RALYL: variants seen among roughly 807,000 people sequenced by gnomAD.
The protein encoded by RALYL is RNA-binding Raly-like protein.
In RALYL, 29 loss-of-function variants were observed where a neutral mutation model predicts 35.1. That is an observed-to-expected ratio of 0.83 (90% CI 0.61 to 1.13). The LOEUF is 1.13. Among genes scored for constraint, RALYL ranks in the 50% most tolerant of loss-of-function variants. RALYL has a pLI of 0.00. For synonymous variants in RALYL, 120 were observed against 127.6 expected (o/e 0.94, Z 0.40); for missense variants, 359 against 360.4 (o/e 1.00, Z 0.03).
intron 2 of RALYL, among the ~76,000 whole-genome samples, chr8:84,660,632 TG>T (rs1830725120): frequency 6.6e-6 from 1 of 151,854 alleles, no homozygotes; most frequent in Non-Finnish European, 1.5e-5. Flanking sequence ...CAATTTTTTT[TG>T]CTTTTCCCCA....
intron 2 of RALYL, among the ~76,000 whole-genome samples, chr8:84,723,439 C>T (rs1265699626): frequency 6.6e-6 from 1 of 151,922 alleles, no homozygotes; most frequent in Non-Finnish European, 1.5e-5. Context: ...TTCAGTTGGG[C>T]AGAATTCTCT....
chr8:84,365,495 C>G (rs1028683455), intron 1 of RALYL, among the ~76,000 whole-genome samples: 1 of 152,116 alleles, frequency 6.6e-6, no homozygotes. Flanking sequence ...GTAATTATAA[C>G]TCAATTTATA....
chr8:84,654,311 ATATC>A (rs1311618722), intron 2 of RALYL, among the ~76,000 whole-genome samples: 1 of 129,612 alleles, frequency 7.7e-6, no homozygotes, highest in Admixed American at 7.7e-5. Flanking sequence ...ATATATATAT[ATATC>A]ATGTACCACA....
chr8:84,702,125 T>C (rs2132324357), intron 2 of RALYL, among the ~76,000 whole-genome samples: 1 of 152,308 alleles, frequency 6.6e-6, no homozygotes, highest in South Asian at 2.1e-4. Flanking sequence ...AAATAATGCA[T>C]ATAACATTTA....
chr8:84,696,090 A>G (rs1839077730), intron 2 of RALYL, among the ~76,000 whole-genome samples: 1 of 151,840 alleles, frequency 6.6e-6, no homozygotes, highest in Admixed American at 6.6e-5. Flanking sequence ...GTATTCCCCA[A>G]TAAAATAAAA....
chr8:84,743,134 T>A (rs1333682776), intron 2 of RALYL, among the ~76,000 whole-genome samples: 2 of 152,018 alleles, frequency 1.3e-5, no homozygotes, highest in Admixed American at 1.3e-4. Context: ...TGTAACACTT[T>A]GCTAACCTCA....
chr8:84,545,065 A>G (rs1474423287), intron 2 of RALYL, among the ~76,000 whole-genome samples: 2 of 151,956 alleles, frequency 1.3e-5, no homozygotes, highest in Admixed American at 1.3e-4. Context: ...TTTTCTCCTC[A>G]TGCAGTTTAT....
intron 2 of RALYL, among the ~76,000 whole-genome samples, chr8:84,711,808 G>A (rs1176382279): frequency 6.6e-6 from 1 of 152,030 alleles, no homozygotes; most frequent in East Asian, 1.9e-4. Flanking sequence ...TATTGAAATT[G>A]ATTACAAATT....
At chr8:84,524,568 TCA>T (rs1462891457) in intron 1 of RALYL, among the ~76,000 whole-genome samples, 2 of 152,174 alleles carry the variant, frequency 1.3e-5, no homozygotes, top group African/African-American at 4.8e-5. Flanking sequence ...GACCACTAAA[TCA>T]GCAGAATGGT....
intron 1 of RALYL, among the ~76,000 whole-genome samples, chr8:84,379,772 C>T (rs373373401): frequency 2.7e-4 from 40 of 150,680 alleles, no homozygotes; most frequent in Admixed American, 1.8e-3. Flanking sequence ...AATATAAATG[C>T]GGGCAGGAAT....
chr8:84,687,039 A>G (rs1206932918), intron 2 of RALYL, among the ~76,000 whole-genome samples: 1 of 152,168 alleles, frequency 6.6e-6, no homozygotes, highest in African/African-American at 2.4e-5. Context: ...TGGCAACTTC[A>G]TGAATTCTAA....
chr8:84,237,664 G>A (rs1044150414), intron 1 of RALYL, among the ~76,000 whole-genome samples: 4 of 152,082 alleles, frequency 2.6e-5, no homozygotes, highest in Non-Finnish European at 5.9e-5. Flanking sequence ...AAAATAAATA[G>A]AGGAACATCA....
chr8:84,904,062 G>C (rs1332539375), intron 8 of RALYL, among the ~76,000 whole-genome samples: 1 of 152,152 alleles, frequency 6.6e-6, no homozygotes, highest in Admixed American at 6.6e-5. Context: ...TCAAATCGCA[G>C]ATTATATTCT....
At chr8:84,359,665 T>C (rs1245819890) in intron 1 of RALYL, among the ~76,000 whole-genome samples, 1 of 152,050 alleles carries the variant, frequency 6.6e-6, no homozygotes, top group South Asian at 2.1e-4. Flanking sequence ...TTAATGCTTT[T>C]AAAATCTGAA....
intron 1 of RALYL, among the ~76,000 whole-genome samples, chr8:84,370,417 G>C (rs928961350): frequency 6.6e-6 from 1 of 150,432 alleles, no homozygotes; most frequent in Non-Finnish European, 1.5e-5. Flanking sequence ...TTAGAACATG[G>C]GAAATTTTAC....
At chr8:84,755,357 G>T (rs1251358532) in intron 2 of RALYL, among the ~76,000 whole-genome samples, 1 of 152,118 alleles carries the variant, frequency 6.6e-6, no homozygotes, top group Admixed American at 6.6e-5. Flanking sequence ...TGAATAACAA[G>T]CTGTCAACAG....
chr8:84,792,065 G>A (rs533780830), intron 3 of RALYL, among the ~76,000 whole-genome samples: 13 of 152,358 alleles, frequency 8.5e-5, no homozygotes, highest in Non-Finnish European at 1.6e-4. Flanking sequence ...AGCATCCAGG[G>A]AAGGGAGCTG....
At chr8:84,743,032 A>G (rs768644962) in intron 2 of RALYL, among the ~76,000 whole-genome samples, 2 of 152,028 alleles carry the variant, frequency 1.3e-5, no homozygotes, top group African/African-American at 4.8e-5. Flanking sequence ...CTCTTCTGTT[A>G]TTTCCTGGCA....
At chr8:84,644,103 A>T (rs1265735997) in intron 2 of RALYL, among the ~76,000 whole-genome samples, 1 of 152,092 alleles carries the variant, frequency 6.6e-6, no homozygotes, top group African/African-American at 2.4e-5. Flanking sequence ...TGAGAGAGGC[A>T]TGTGGTGTTT....
Sources: allele counts gnomAD v4.1 joint callset (sites outside exome capture counted in the v4.1 genomes callset), GRCh38; gene constraint gnomAD v4.1.1; transcripts MANE v1.5; gene names NCBI Gene and HGNC (gene_info 2026-07-23, HGNC 2026-07-21).